FSD1L: variants seen among roughly 807,000 people sequenced by gnomAD.
FSD1L encodes the protein fibronectin type III and SPRY domain containing 1 like, also known as FSD1-like protein.
In FSD1L, 45 loss-of-function variants were observed where a neutral mutation model predicts 71.6. The ratio of observed to expected loss-of-function variants is 0.63; its 90% CI spans 0.49 to 0.81. The LOEUF is 0.81. Ranked by LOEUF, FSD1L falls within the 30% of genes least tolerant of loss-of-function variation. FSD1L has a pLI of 0.00. For missense variants in FSD1L, 561 were observed against 618.1 expected, an observed-to-expected ratio of 0.91 and a Z score of 0.98; for synonymous variants, 197 against 207.2, an observed-to-expected ratio of 0.95 and a Z score of 0.42.
At chr9:105,527,868 G>GATGAC (rs2131453529) in intron 10 of FSD1L, among the ~76,000 whole-genome samples, 1 of 152,260 alleles carries the variant, frequency 6.6e-6, no homozygotes, top group Admixed American at 6.5e-5. Flanking sequence ...TCTGTTTGCA[G>GATGAC]ATGACATGAT....
chr9:105,517,572 G>T lies in FSD1L; in HGVS notation c.1025+4636G>T, dbSNP rs566908233. Among the ~76,000 whole-genome samples the T allele has an allele frequency of 1.2e-4, 19 of 152,298 alleles. No homozygotes were observed. The East Asian group carries it at 2.9e-3, about 23-fold the overall frequency. On this transcript the variant is annotated intron_variant, in intron 10 of 13. Transcript: ENST00000481272. ...TATCCAGCCAAACTAAGCTTCATAA[G>T]TGAAGGAAAAATAAAATCCTTTACA... is the stretch of plus-strand genomic sequence containing the variant.
At chr9:105,487,432 T>C (rs898310002) in intron 7 of FSD1L, among the ~76,000 whole-genome samples, 1 of 152,040 alleles carries the variant, frequency 6.6e-6, no homozygotes, top group Non-Finnish European at 1.5e-5. Context: ...AGGTTTTTTT[T>C]TTTTCCTATT....
chr9:105,540,684 CT>C (rs1464648748), intron 13 of FSD1L, among the ~76,000 whole-genome samples: 1 of 152,080 alleles, frequency 6.6e-6, no homozygotes, highest in East Asian at 1.9e-4. Context: ...GCAGTGTCAT[CT>C]TTGTACAAAA....
At chr9:105,479,492 G>A (rs1254185003) in intron 6 of FSD1L, 116 bp downstream of exon 6, 1 of 831,814 alleles carries the variant, frequency 1.2e-6, no homozygotes. Flanking sequence ...CAATGACCAA[G>A]TACAAAATAA....
chr9:105,469,800 G>A (rs1265068265), intron 4 of FSD1L, among the ~76,000 whole-genome samples: 1 of 147,330 alleles, frequency 6.8e-6, no homozygotes, highest in East Asian at 2.0e-4. Flanking sequence ...CATCTAATTT[G>A]TCTATTTTTG....
At chr9:105,461,708 CAG>C (rs1381087115) in intron 2 of FSD1L, 93 bp downstream of exon 2, 1 of 724,138 alleles carries the variant, frequency 1.4e-6, no homozygotes, top group African/African-American at 1.8e-5. Flanking sequence ...CATTAAAAAA[CAG>C]GAACATTAAA....
At chr9:105,447,147 G>C (rs561199218), upstream of FSD1L, among the ~76,000 whole-genome samples, 1 of 151,726 alleles carries the variant, frequency 6.6e-6, no homozygotes, top group Non-Finnish European at 1.5e-5. Context: ...AACATGGCTA[G>C]AACCAGTCTC....
intron 8 of FSD1L, among the ~76,000 whole-genome samples, chr9:105,507,120 C>T (rs553330262): frequency 6.6e-6 from 1 of 152,254 alleles, no homozygotes; most frequent in Non-Finnish European, 1.5e-5. Flanking sequence ...TTTTCTGACT[C>T]TTAAAAAGCT....
intron 3 of FSD1L, 87 bp from the exon 4 acceptor site, chr9:105,468,106 A>G (rs748348979): frequency 1.1e-6 from 1 of 886,492 alleles, no homozygotes; most frequent in East Asian, 3.4e-5. Flanking sequence ...TGTAATATAA[A>G]TTTATTCTCT....
chr9:105,520,021 G>A (rs900778398), intron 10 of FSD1L: 3 of 1,452,446 alleles, frequency 2.1e-6, no homozygotes, highest in Non-Finnish European at 2.7e-6. Context: ...AGGCTGGGGA[G>A]CTAATGAGCC....
chr9:105,520,598 A>G (rs996635677), intron 10 of FSD1L: 6 of 1,506,858 alleles, frequency 4.0e-6, no homozygotes, highest in African/African-American at 1.4e-5. Flanking sequence ...TAAAGAAGCT[A>G]CTTCACACAG....
At chr9:105,496,805 T>A (rs867861746) in intron 7 of FSD1L, among the ~76,000 whole-genome samples, 3 of 152,246 alleles carry the variant, frequency 2.0e-5, no homozygotes, top group Admixed American at 6.5e-5. Context: ...ACCTAGATGA[T>A]CATGTTGTTT....
chr9:105,452,652 TG>T, intron 1 of FSD1L, among the ~76,000 whole-genome samples: 1 of 128,778 alleles, frequency 7.8e-6, no homozygotes, highest in African/African-American at 2.9e-5. Flanking sequence ...CCTGCCTGCC[TG>T]CCTGCCTGCC....
chr9:105,541,779 C>G (rs1836630142), intron 13 of FSD1L, among the ~76,000 whole-genome samples: 1 of 152,108 alleles, frequency 6.6e-6, no homozygotes, highest in South Asian at 2.1e-4. Flanking sequence ...CCTTTGTGTT[C>G]TTTTATAGTG....
intron 7 of FSD1L, among the ~76,000 whole-genome samples, chr9:105,496,445 A>T (rs146472478): frequency 6.6e-6 from 1 of 152,316 alleles, no homozygotes; most frequent in South Asian, 2.1e-4. Context: ...TACTGGGATT[A>T]TGATTGGGAT....
chr9:105,485,533 G>T (rs1370699898), intron 7 of FSD1L, among the ~76,000 whole-genome samples: 314 of 79,404 alleles, frequency 4.0e-3, no homozygotes, highest in Middle Eastern at 0.013. Flanking sequence ...TTGGTTAGGT[G>T]TTTTTTTTTT....
intron 13 of FSD1L, among the ~76,000 whole-genome samples, chr9:105,544,814 G>A (rs1211004821): frequency 2.0e-5 from 3 of 152,190 alleles, no homozygotes; most frequent in Non-Finnish European, 4.4e-5. Flanking sequence ...GTACCATGCT[G>A]TTTTGGTTCC....
At chr9:105,540,401 T>C (rs1456739538) in intron 13 of FSD1L, among the ~76,000 whole-genome samples, 1 of 152,150 alleles carries the variant, frequency 6.6e-6, no homozygotes, top group East Asian at 1.9e-4. Context: ...TGGTATTGTT[T>C]GATAAACAAA....
At chr9:105,546,120 T>C (rs1295398717) in intron 13 of FSD1L, among the ~76,000 whole-genome samples, 2 of 152,058 alleles carry the variant, frequency 1.3e-5, no homozygotes, top group Non-Finnish European at 2.9e-5. Context: ...CTGAGTTCCT[T>C]CTCTTGGGTG....
Sources: allele counts gnomAD v4.1 joint callset (sites outside exome capture counted in the v4.1 genomes callset), GRCh38; gene constraint gnomAD v4.1.1; transcripts MANE v1.5; gene names NCBI Gene and HGNC (gene_info 2026-07-23, HGNC 2026-07-21).